CCDC13: variants seen among roughly 807,000 people sequenced by gnomAD.
CCDC13 encodes the protein coiled-coil domain-containing protein 13.
In CCDC13, 70 loss-of-function variants were observed where a neutral mutation model predicts 87.3. The ratio of observed to expected loss-of-function variants is 0.80; its 90% CI spans 0.66 to 0.98. CCDC13 has a LOEUF of 0.98. CCDC13 is among the 50% of genes least tolerant of loss of function. The pLI is 0.00. For missense variants in CCDC13, 842 were observed against 892.0 expected, an observed-to-expected ratio of 0.94 and a Z score of 0.71; for synonymous variants, 317 against 360.3, an observed-to-expected ratio of 0.88 and a Z score of 1.36.
At chr3:42,748,397 T>C (rs1318361141) in intron 5 of CCDC13, among the ~76,000 whole-genome samples, 2 of 152,232 alleles carry the variant, frequency 1.3e-5, no homozygotes, top group African/African-American at 2.4e-5. Context: ...CACAGGAACG[T>C]TGGTTGTCAG....
In CCDC13 at chr3:42,708,111, A is replaced by C. The variant is rs1208633728; in HGVS notation, c.*869T>G. ...CCTCGGCCCTCTGCCACCAGCATCC[A>C]TCAGCAGTCTTGGTGAGCAAACAAA... On this transcript the variant is annotated 3_prime_UTR_variant, in exon 16 of 16. Coordinates refer to ENST00000310232, the MANE Select transcript of CCDC13 (RefSeq NM_144719.4). Among the ~76,000 whole-genome samples, 1 of 152,054 alleles carries C rather than the reference A, an allele frequency of 6.6e-6. No individual in the cohort carries two copies. The highest frequency in any genetic ancestry group is 1.9e-4 in the East Asian group (1 of 5,194).
intron 8 of CCDC13, among the ~76,000 whole-genome samples, chr3:42,741,806 T>C (rs557964341): frequency 6.6e-6 from 1 of 152,238 alleles, no homozygotes; most frequent in African/African-American, 2.4e-5. Context: ...CTGGCTGGCA[T>C]ACAAAGCCCA....
At chr3:42,751,049 C>G (rs1288385190) in intron 5 of CCDC13, among the ~76,000 whole-genome samples, 1 of 152,142 alleles carries the variant, frequency 6.6e-6, no homozygotes, top group Non-Finnish European at 1.5e-5. Flanking sequence ...CCTGAGGGCC[C>G]ATCCCCGCCG....
At chr3:42,719,969 A>T (rs1008240423) in intron 13 of CCDC13, among the ~76,000 whole-genome samples, 2 of 152,244 alleles carry the variant, frequency 1.3e-5, no homozygotes, top group Admixed American at 6.5e-5. Context: ...AGTTTTAAAG[A>T]TTATTGGTAA....
At chr3:42,751,602 G>C (rs146565641) in intron 5 of CCDC13, among the ~76,000 whole-genome samples, 1,595 of 152,350 alleles carry the variant, frequency 0.01, 28 homozygotes, top group Admixed American at 0.018. Context: ...GACAGTGGGA[G>C]GTCAGTTGGA....
At chr3:42,710,267 C>A (rs113793246) in intron 14 of CCDC13, among the ~76,000 whole-genome samples, 4 of 152,048 alleles carry the variant, frequency 2.6e-5, no homozygotes, top group African/African-American at 9.6e-5. Context: ...CCATGCCCAG[C>A]TAATTATTGT....
At chr3:42,704,523 G>A (rs561964981), downstream of CCDC13, 1 of 152,394 alleles carries the variant, frequency 6.6e-6, no homozygotes, top group African/African-American at 2.4e-5. Context: ...CATAAACAGA[G>A]GCTATTAGAG....
intron 8 of CCDC13, 34 bp from the exon 9 acceptor site, chr3:42,739,844 G>A (rs1195648888): frequency 1.2e-6 from 2 of 1,600,316 alleles, no homozygotes; most frequent in Non-Finnish European, 8.5e-7. Flanking sequence ...GGGCAGCAGG[G>A]CTGTGTGGGA....
chr3:42,767,497 T>C (rs1699953612), intron 1 of CCDC13, among the ~76,000 whole-genome samples: 1 of 152,246 alleles, frequency 6.6e-6, no homozygotes, highest in African/African-American at 2.4e-5. Context: ...ATTGTTAAGA[T>C]GTCAGTTCTT....
At chr3:42,744,752 C>T (rs1466556295) in intron 7 of CCDC13, among the ~76,000 whole-genome samples, 4 of 146,114 alleles carry the variant, frequency 2.7e-5, no homozygotes, top group African/African-American at 1.0e-4. Context: ...TTGCAGTGAG[C>T]CGAGATCGCA....
At position 42,738,679 on chromosome 3, in the gene CCDC13, A is replaced by C. The variant is rs143930127; in HGVS notation, c.1164+955T>G. 1.3e-3 allele frequency among the ~76,000 whole-genome samples: 198 copies of C among 152,332 alleles called. 1 individual carries two copies. Among genetic ancestry groups the C allele is most frequent in the Non-Finnish European group, 2.0e-3 (133 of 68,034 alleles). On this transcript the variant is annotated intron_variant, in intron 9 of 15. Transcript: ENST00000310232. ...TTTTATTCTCTTTGAAGCAGTTGTG[A>C]ATGGGAGTTCACTCATGATTTGACT...
intron 1 of CCDC13, among the ~76,000 whole-genome samples, chr3:42,772,300 A>AT (rs71072731): frequency 2.0e-5 from 3 of 149,186 alleles, no homozygotes; most frequent in Admixed American, 6.7e-5. Flanking sequence ...AGTAATAATA[A>AT]AAAAAATAAA....
chr3:42,728,389 T>A (rs1223348697), intron 13 of CCDC13, among the ~76,000 whole-genome samples: 2 of 148,846 alleles, frequency 1.3e-5, no homozygotes, highest in African/African-American at 4.9e-5. Context: ...AGAGAAAGAC[T>A]CCCCCCCACC....
chr3:42,772,859 T>C (rs535672251), intron 1 of CCDC13, among the ~76,000 whole-genome samples: 1 of 152,320 alleles, frequency 6.6e-6, no homozygotes, highest in African/African-American at 2.4e-5. Flanking sequence ...CAAACAGCGC[T>C]TGTCAGGCGG....
At chr3:42,770,443 G>C (rs1700043690) in intron 1 of CCDC13, among the ~76,000 whole-genome samples, 2 of 152,186 alleles carry the variant, frequency 1.3e-5, no homozygotes, top group African/African-American at 4.8e-5. Context: ...TTTGTGTCTA[G>C]CTCAGCAATT....
At position 42,735,791 on chromosome 3, in the gene CCDC13, T is replaced by C. The variant is rs1698991815; in HGVS notation, c.1287A>G (p.Leu429=). 6.2e-7 allele frequency: 1 copy of C among 1,614,254 alleles called. No homozygotes were observed. Among genetic ancestry groups the C allele is most frequent in the South Asian group, 1.1e-5 (1 of 91,086 alleles). Reference sequence around the variant, plus strand: ...CTACCATGGCCTGCAGCTGGGCGACTAGGCTGTTGCTCCGCTGAGCCTCGC... The same window carrying C: ...CTACCATGGCCTGCAGCTGGGCGACCAGGCTGTTGCTCCGCTGAGCCTCGC... ...LNSEAQRSNS[L]VAQLQAMVAE... is the part of the protein sequence containing the mutation. The change falls in exon 10 of 16, where the codon CTA becomes CTG. Residue 429 remains leucine (L), a synonymous_variant. Transcript: ENST00000310232.
At chr3:42,731,681 G>A (rs1270930152) in intron 12 of CCDC13, among the ~76,000 whole-genome samples, 1 of 152,204 alleles carries the variant, frequency 6.6e-6, no homozygotes, top group Middle Eastern at 3.4e-3. Flanking sequence ...GCAAAGGGCC[G>A]ATTCTTCACT....
chr3:42,757,709 C>G (rs1180178552), intron 2 of CCDC13, among the ~76,000 whole-genome samples: 1 of 151,628 alleles, frequency 6.6e-6, no homozygotes, highest in Non-Finnish European at 1.5e-5. Flanking sequence ...AAGACTCTGT[C>G]TCTTAAAAAA....
chr3:42,759,241 G>A (rs1178154188), intron 1 of CCDC13, among the ~76,000 whole-genome samples: 2 of 151,872 alleles, frequency 1.3e-5, no homozygotes, highest in Non-Finnish European at 2.9e-5. Context: ...CCCAGGAAGT[G>A]GAGGCTGCAG....
Sources: gnomAD v4.1 joint callset for allele counts (sites outside exome capture counted in the v4.1 genomes callset) on GRCh38, gnomAD v4.1.1 for gene constraint, MANE v1.5 for transcripts, NCBI Gene and HGNC (gene_info 2026-07-23, HGNC 2026-07-21) for gene names.